Variants in MBNL2 observed in about 807,000 individuals in gnomAD.
MBNL2 encodes the protein muscleblind-like protein 2.
In MBNL2, 17 loss-of-function variants were observed where a neutral mutation model predicts 41.9. The ratio of observed to expected loss-of-function variants is 0.41; its 90% CI spans 0.28 to 0.61. The LOEUF (loss-of-function observed/expected upper bound fraction) is 0.61, where lower values mean the gene tolerates loss of function less well. Among genes scored for constraint, MBNL2 ranks in the 20% least tolerant of loss-of-function variants. MBNL2 has a pLI of 0.35. For missense variants in MBNL2, 336 were observed against 505.6 expected, an observed-to-expected ratio of 0.66 and a Z score of 3.22; for synonymous variants, 195 against 182.9, an observed-to-expected ratio of 1.07 and a Z score of -0.53.
intron 2 of MBNL2, among the ~76,000 whole-genome samples, chr13:97,310,431 T>C (rs1427638564): frequency 1.3e-5 from 2 of 150,530 alleles, no homozygotes; most frequent in African/African-American, 5.0e-5. Flanking sequence ...TTTTTTTTTC[T>C]TTTTTTTCTT....
the MBNL2 span, among the ~76,000 whole-genome samples, chr13:97,161,929 GC>G: frequency 6.6e-6 from 1 of 152,126 alleles, no homozygotes; most frequent in Non-Finnish European, 1.5e-5. Context: ...GTCCATTCTT[GC>G]ATTGTTATAA....
the MBNL2 span, among the ~76,000 whole-genome samples, chr13:97,203,620 C>T: frequency 2.6e-5 from 4 of 152,148 alleles, no homozygotes; most frequent in African/African-American, 9.7e-5. Flanking sequence ...TTGGCATGGC[C>T]TCCCCTGCCA....
the MBNL2 span, among the ~76,000 whole-genome samples, chr13:97,162,075 G>A: frequency 1.4e-3 from 213 of 152,276 alleles, no homozygotes; most frequent in African/African-American, 4.4e-3. Context: ...GCTGACTGGC[G>A]TAGGAGGAAG....
the MBNL2 span, among the ~76,000 whole-genome samples, chr13:97,177,514 C>CA: frequency 6.6e-6 from 1 of 151,268 alleles, no homozygotes; most frequent in Non-Finnish European, 1.5e-5. Context: ...TAAAGTACAA[C>CA]AAAAAGACAA....
At chr13:97,155,381 C>CTTTTTTTTTTTTT in the MBNL2 span, among the ~76,000 whole-genome samples, 1 of 139,880 alleles carries the variant, frequency 7.1e-6, no homozygotes. Flanking sequence ...AAGTAATTTT[C>CTTTTTTTTTTTTT]TTTTTTTTTT....
chr13:97,247,989 T>C (rs947266848), intron 1 of MBNL2, among the ~76,000 whole-genome samples: 1 of 152,252 alleles, frequency 6.6e-6, no homozygotes, highest in African/African-American at 2.4e-5. Context: ...AGTGTTTTAA[T>C]GCTACATTAG....
rs762566069 is a variant in MBNL2, at chr13:97,279,216, C to A, written c.174+2807C>A. ...AGAACCAGTGTGCAATACAGAGAAG[C>A]AGCAAGGGCTTTGAAATCAGAAGGA... On this transcript the variant is annotated intron_variant, in intron 2 of 8. Transcript: ENST00000679496. 3.3e-5 allele frequency among the ~76,000 whole-genome samples: 5 copies of A among 152,206 alleles called. No homozygotes were observed. In the South Asian group the frequency reaches 8.3e-4, roughly 25 times the overall value.
rs1392035458 is a variant in MBNL2, at chr13:97,222,487, T to G, written c.-649T>G. 3 of 398,556 alleles carry G rather than the reference T, an allele frequency of 7.5e-6. No homozygotes were observed. The highest frequency in any genetic ancestry group is 4.4e-5 in the Admixed American group (1 of 22,714). The allele number at this position is 398,556 out of a possible 1,614,324, so 24.7% of individuals were successfully genotyped here. On this transcript the variant is annotated 5_prime_UTR_variant, in exon 1 of 9. Transcript: ENST00000679496. ...TCGGCCACTTGGTTCTGCCAGATGT[T>G]CCTGGGGTTACTGTAAATGGGAAGG... is the stretch of plus-strand genomic sequence containing the variant.
At chr13:97,330,773 G>T (rs192364084) in intron 2 of MBNL2, among the ~76,000 whole-genome samples, 1 of 152,154 alleles carries the variant, frequency 6.6e-6, no homozygotes, top group African/African-American at 2.4e-5. Flanking sequence ...TGTTCACTGT[G>T]TCAAATAGCT....
intron 2 of MBNL2, among the ~76,000 whole-genome samples, chr13:97,279,153 G>T (rs2052810914): frequency 6.6e-6 from 1 of 152,178 alleles, no homozygotes; most frequent in African/African-American, 2.4e-5. Context: ...TTTCATAATA[G>T]ATTTTAAAAA....
chr13:97,368,742 G>A (rs1400124373), intron 8 of MBNL2, among the ~76,000 whole-genome samples: 1 of 150,932 alleles, frequency 6.6e-6, no homozygotes, highest in Non-Finnish European at 1.5e-5. Flanking sequence ...GTCTGTGTAT[G>A]TGTGTGTGTA....
intron 5 of MBNL2, 78 bp downstream of exon 5, chr13:97,347,145 C>T: frequency 8.9e-7 from 1 of 1,123,630 alleles, no homozygotes; most frequent in Non-Finnish European, 1.2e-6. Context: ...GGATGTTCTT[C>T]CAAACACTCG....
chr13:97,295,361 C>T (rs146848790), intron 2 of MBNL2, among the ~76,000 whole-genome samples: 160 of 151,920 alleles, frequency 1.1e-3, no homozygotes, highest in African/African-American at 3.4e-3. Context: ...AACAGACAGT[C>T]CCAAGCAGAA....
At chr13:97,203,183 A>G in the MBNL2 span, among the ~76,000 whole-genome samples, 5 of 152,174 alleles carry the variant, frequency 3.3e-5, no homozygotes, top group Non-Finnish European at 7.3e-5. Flanking sequence ...ACCATTTGCA[A>G]ATAAAAAGGT....
the MBNL2 span, among the ~76,000 whole-genome samples, chr13:97,212,038 G>A: frequency 6.6e-6 from 1 of 152,128 alleles, no homozygotes; most frequent in Non-Finnish European, 1.5e-5. Context: ...GGCTGATAGA[G>A]GGAAGAGAGT....
intron 8 of MBNL2, among the ~76,000 whole-genome samples, chr13:97,381,441 T>C (rs1434589552): frequency 6.6e-6 from 1 of 152,106 alleles, no homozygotes; most frequent in African/African-American, 2.4e-5. Context: ...AAGTCCAACA[T>C]AATGGTAATG....
At chr13:97,149,392 C>T in the MBNL2 span, among the ~76,000 whole-genome samples, 5 of 152,132 alleles carry the variant, frequency 3.3e-5, no homozygotes, top group East Asian at 5.8e-4. Context: ...TTCACTAAGT[C>T]GTTCTCTGCT....
intron 1 of MBNL2, among the ~76,000 whole-genome samples, chr13:97,256,785 T>C (rs1397786358): frequency 6.6e-6 from 1 of 152,246 alleles, no homozygotes; most frequent in African/African-American, 2.4e-5. Flanking sequence ...TTGTATAAGC[T>C]GTTTCTTTTG....
intron 8 of MBNL2, among the ~76,000 whole-genome samples, chr13:97,387,449 A>G (rs906605491): frequency 6.6e-6 from 1 of 152,042 alleles, no homozygotes; most frequent in Non-Finnish European, 1.5e-5. Flanking sequence ...AGCCCCTCCA[A>G]ACAGTCTCAC....
Sources: gnomAD v4.1 joint callset for allele counts (sites outside exome capture counted in the v4.1 genomes callset) on GRCh38, gnomAD v4.1.1 for gene constraint, MANE v1.5 for transcripts, NCBI Gene and HGNC (gene_info 2026-07-23, HGNC 2026-07-21) for gene names.